The following CNTN3 variants were observed in gnomAD, a reference collection of about 807,000 sequenced individuals.
CNTN3 encodes the protein contactin-3.
A neutral mutation model predicts 119.1 loss-of-function variants in CNTN3; 60 were observed. That is an observed-to-expected ratio of 0.50 (90% CI 0.41 to 0.62). CNTN3 has a LOEUF of 0.62. CNTN3 is among the 20% of genes least tolerant of loss of function. The pLI, the probability that CNTN3 is intolerant of heterozygous loss-of-function variation, is 0.00. For synonymous variants in CNTN3, 450 were observed against 438.7 expected, an observed-to-expected ratio of 1.03 and a Z score of -0.32; for missense variants, 1,101 against 1,242.4, an observed-to-expected ratio of 0.89 and a Z score of 1.71.
At chr3:74,293,214 A>T (rs1702270187) in intron 19 of CNTN3, among the ~76,000 whole-genome samples, 1 of 152,170 alleles carries the variant, frequency 6.6e-6, no homozygotes, top group African/African-American at 2.4e-5. Context: ...CAATTTTAAC[A>T]ACACCTTCAG....
At chr3:74,596,045 AACAG>A (rs577012665) in intron 1 of CNTN3, among the ~76,000 whole-genome samples, 2 of 151,780 alleles carry the variant, frequency 1.3e-5, no homozygotes, top group Admixed American at 6.6e-5. Context: ...ATACACCAAA[AACAG>A]ACAGAGAGCC....
chr3:74,456,095 A>G (rs993531082), intron 4 of CNTN3, among the ~76,000 whole-genome samples: 1 of 152,104 alleles, frequency 6.6e-6, no homozygotes, highest in Non-Finnish European at 1.5e-5. Flanking sequence ...CTACTGTAAA[A>G]TGTCCTATAC....
intron 2 of CNTN3, among the ~76,000 whole-genome samples, chr3:74,508,805 C>A (rs1703312266): frequency 6.6e-6 from 1 of 152,144 alleles, no homozygotes; most frequent in African/African-American, 2.4e-5. Context: ...GGTCTAGAAA[C>A]CTTCTCTCCT....
chr3:74,369,732 A>G (rs974082480), intron 7 of CNTN3, among the ~76,000 whole-genome samples, 157 bp downstream of exon 7: 3 of 151,924 alleles, frequency 2.0e-5, no homozygotes, highest in African/African-American at 7.2e-5. Context: ...TTCAAACTCA[A>G]TTTTATATGT....
In CNTN3 at chr3:74,429,898, A is replaced by G. The variant is rs965139670; in HGVS notation, c.359-4958T>C. Among the ~76,000 whole-genome samples, 3 of 152,204 alleles carry G rather than the reference A, an allele frequency of 2.0e-5. No homozygotes were observed. The East Asian group carries it at 5.8e-4, about 29-fold the overall frequency. On this transcript the variant is annotated intron_variant, in intron 4 of 22. Coordinates refer to ENST00000263665, the MANE Select transcript of CNTN3 (RefSeq NM_020872.3). ...CTGAAAAGATGTTCAACATCATTAGACATCGGGGAAATGCAAATTAAAACT... is the reference window on the plus strand; with the variant it reads ...CTGAAAAGATGTTCAACATCATTAGGCATCGGGGAAATGCAAATTAAAACT...
chr3:74,382,651 A>G (rs1323354335), intron 5 of CNTN3, among the ~76,000 whole-genome samples: 1 of 152,200 alleles, frequency 6.6e-6, no homozygotes, highest in Non-Finnish European at 1.5e-5. Flanking sequence ...TATTTCACTT[A>G]GCGTAATGTC....
chr3:74,288,162 T>TTC (rs923391180), intron 19 of CNTN3, among the ~76,000 whole-genome samples: 7 of 145,170 alleles, frequency 4.8e-5, no homozygotes, highest in African/African-American at 7.8e-5. Context: ...TTCTTTTCTT[T>TTC]TTTTTTTTTT....
chr3:74,519,236 A>T (rs769302691), intron 2 of CNTN3, among the ~76,000 whole-genome samples: 4 of 151,816 alleles, frequency 2.6e-5, no homozygotes, highest in African/African-American at 4.8e-5. Flanking sequence ...AATTTGTCAC[A>T]TGTAAATTAA....
At chr3:74,381,494 C>G (rs1704623781) in intron 5 of CNTN3, among the ~76,000 whole-genome samples, 1 of 152,124 alleles carries the variant, frequency 6.6e-6, no homozygotes, top group Non-Finnish European at 1.5e-5. Flanking sequence ...AAAGGATATG[C>G]TGGAGACTTC....
At chr3:74,514,602 C>T (rs1406913528) in intron 2 of CNTN3, among the ~76,000 whole-genome samples, 1 of 151,956 alleles carries the variant, frequency 6.6e-6, no homozygotes, top group East Asian at 1.9e-4. Context: ...CTATCTTCTC[C>T]CATAGTTTCA....
At chr3:74,325,851 C>T (rs1029271968) in intron 13 of CNTN3, among the ~76,000 whole-genome samples, 9 of 152,134 alleles carry the variant, frequency 5.9e-5, no homozygotes, top group African/African-American at 2.2e-4. Context: ...ATGTGTGTCA[C>T]ACCAATCTGA....
intron 1 of CNTN3, among the ~76,000 whole-genome samples, chr3:74,599,844 A>G (rs899715965): frequency 2.0e-5 from 3 of 152,066 alleles, no homozygotes; most frequent in African/African-American, 7.2e-5. Context: ...CTCAATAGCA[A>G]TAAGGCAAAC....
intron 12 of CNTN3, among the ~76,000 whole-genome samples, chr3:74,335,897 T>G (rs1350152006): frequency 2.0e-5 from 3 of 152,158 alleles, no homozygotes; most frequent in Non-Finnish European, 2.9e-5. Context: ...ATCATCCTGT[T>G]GCTAATGCTC....
Position 74,459,065 on chromosome 3 carries a change from TACTG to T in CNTN3, c.358+27387_358+27390del, listed in dbSNP as rs201787319. ...ATGTGAAGTTTGGCTGTCTTGACTT[TACTG>T]ACTGAGTGTTCCACATATATTCCAG... On this transcript the variant is annotated intron_variant, in intron 4 of 22. Transcript: ENST00000263665. Among the ~76,000 whole-genome samples the T allele has an allele frequency of 3.5e-3, 540 of 152,152 alleles. 13 individuals carry two copies. Among genetic ancestry groups the T allele is most frequent in the Admixed American group, 0.031 (479 of 15,240 alleles).
At chr3:74,314,271 A>G (rs1702772723) in intron 13 of CNTN3, among the ~76,000 whole-genome samples, 1 of 152,246 alleles carries the variant, frequency 6.6e-6, no homozygotes, top group African/African-American at 2.4e-5. Flanking sequence ...TAAAAAATAG[A>G]AAACTGTAAG....
chr3:74,557,512 T>G (rs1704088755), intron 1 of CNTN3, among the ~76,000 whole-genome samples: 1 of 152,142 alleles, frequency 6.6e-6, no homozygotes, highest in Admixed American at 6.5e-5. Context: ...AGGTAGGACA[T>G]ACAGGTTTAG....
chr3:74,267,564 ATTTC>A, intron 20 of CNTN3, 186 bp from the exon 21 acceptor site: 2 of 507,262 alleles, frequency 3.9e-6, no homozygotes, highest in Admixed American at 6.5e-5. Flanking sequence ...TTAGAAAGGC[ATTTC>A]ATTCATACAC....
intron 11 of CNTN3, among the ~76,000 whole-genome samples, chr3:74,342,611 A>G (rs1292691070): frequency 6.6e-6 from 1 of 152,222 alleles, no homozygotes; most frequent in Non-Finnish European, 1.5e-5. Flanking sequence ...ATCATTTAAC[A>G]GGTCCACATA....
chr3:74,493,024 T>G lies in CNTN3; in HGVS notation c.183-6393A>C, dbSNP rs569692988. ...AGCCATTACTAACCTCCGCATAGTC[T>G]TCACGGACTGTGGTCATCCATATTG... On this transcript the variant is annotated intron_variant, in intron 3 of 22. Coordinates refer to ENST00000263665, the MANE Select transcript of CNTN3 (RefSeq NM_020872.3). Among the ~76,000 whole-genome samples the G allele has an allele frequency of 1.4e-4, 21 of 152,272 alleles. 1 individual carries two copies. The East Asian group carries it at 3.7e-3, about 27-fold the overall frequency.
Sources: gnomAD v4.1 joint callset for allele counts (sites outside exome capture counted in the v4.1 genomes callset) on GRCh38, gnomAD v4.1.1 for gene constraint, MANE v1.5 for transcripts, NCBI Gene and HGNC (gene_info 2026-07-23, HGNC 2026-07-21) for gene names.